Variants in CA5A observed in about 807,000 individuals in gnomAD.
CA5A encodes carbonic anhydrase 5A.
CA5A carries 28 observed loss-of-function variants against 37.1 expected under a neutral mutation model. The observed-to-expected ratio is 0.75, with a 90% CI of 0.56 to 1.03. CA5A has a LOEUF of 1.03. CA5A is among the 50% of genes least tolerant of loss of function. The pLI, the probability that CA5A is intolerant of heterozygous loss-of-function variation, is 0.00. For missense variants in CA5A, 444 were observed against 399.9 expected, an observed-to-expected ratio of 1.11 and a Z score of -0.94; for synonymous variants, 171 against 158.4, an observed-to-expected ratio of 1.08 and a Z score of -0.60.
At chr16:87,899,125 C>G (rs1212289984) in intron 5 of CA5A, among the ~76,000 whole-genome samples, 1 of 151,926 alleles carries the variant, frequency 6.6e-6, no homozygotes. Context: ...GGGCTCTGAA[C>G]CCAGGAGTCC....
At chr16:87,935,953 G>A (rs1345426755) in intron 1 of CA5A, among the ~76,000 whole-genome samples, 3 of 151,814 alleles carry the variant, frequency 2.0e-5, no homozygotes, top group African/African-American at 7.3e-5. Context: ...CAGGCGGATC[G>A]CGAGGTTAGG....
At chr16:87,891,728 T>G (rs1273685667) in intron 6 of CA5A, 71 bp downstream of exon 6, 3 of 1,277,544 alleles carry the variant, frequency 2.3e-6, no homozygotes, top group Non-Finnish European at 3.1e-6. Context: ...ATGCAGCATC[T>G]TAGTGACGCT....
intron 1 of CA5A, among the ~76,000 whole-genome samples, chr16:87,929,413 C>T (rs1199703030): frequency 2.1e-5 from 3 of 143,306 alleles, no homozygotes; most frequent in African/African-American, 5.3e-5. Context: ...GATGGCACCA[C>T]TGCATTCCAG....
At chr16:87,923,822 A>G (rs576882951) in intron 2 of CA5A, 3 of 985,242 alleles carry the variant, frequency 3.0e-6, no homozygotes, top group East Asian at 1.1e-4. Flanking sequence ...TATGAATCCC[A>G]TAGCAACTCA....
intron 6 of CA5A, among the ~76,000 whole-genome samples, chr16:87,891,105 C>A (rs2055706382): frequency 6.7e-6 from 1 of 150,136 alleles, no homozygotes; most frequent in Admixed American, 6.7e-5. Context: ...AAGAGTATAA[C>A]TTTAAAAAGT....
chr16:87,920,199 GCAGCCAAATTACATTTGAGCA>G lies in CA5A; in HGVS notation c.340+6528_340+6548del, dbSNP rs1278739794. Among the ~76,000 whole-genome samples, 6 of 152,332 alleles carry G rather than the reference GCAGCCAAATTACATTTGAGCA, an allele frequency of 3.9e-5. No homozygotes were observed. In the East Asian group the frequency reaches 1.2e-3, roughly 29 times the overall value. ...CCCGAGGTCTGCACAGACCTCACCT[GCAGCCAAATTACATTTGAGCA>G]CGCAGTAAAAGGATGGAAACTGATG... On this transcript the variant is annotated intron_variant, in intron 2 of 6. Transcript: ENST00000649794.
In CA5A at chr16:87,902,599, A is replaced by G. The variant is rs1023110695; in HGVS notation, c.460-79T>C. 344 of 789,954 alleles carry G rather than the reference A, an allele frequency of 4.4e-4. 1 individual carries two copies. The highest frequency in any genetic ancestry group is 7.3e-4 in the Non-Finnish European group (326 of 447,620). The allele number at this position is 789,954 out of a possible 1,614,324, so 48.9% of individuals were successfully genotyped here. On this transcript the variant is annotated intron_variant, in intron 3 of 6. Transcript: ENST00000649794. ...ACTTCCCCTTCTGAATGGCTGACCT[A>G]TGTGTCCACTTAATCATAATGAAAT...
chr16:87,924,662 G>A (rs1246848932), intron 2 of CA5A, among the ~76,000 whole-genome samples: 1 of 152,264 alleles, frequency 6.6e-6, no homozygotes, highest in Non-Finnish European at 1.5e-5. Flanking sequence ...GGACGCAGCT[G>A]GGCAGACCTC....
intron 1 of CA5A, among the ~76,000 whole-genome samples, chr16:87,928,326 GCTAA>G (rs2056342862): frequency 6.6e-6 from 1 of 152,020 alleles, no homozygotes; most frequent in South Asian, 2.1e-4. Flanking sequence ...ACCATGCCTG[GCTAA>G]CTTTTTCATT....
At chr16:87,884,304 G>A (rs940686674), downstream of CA5A, 9 of 143,862 alleles carry the variant, frequency 6.3e-5, no homozygotes, top group Admixed American at 2.8e-4. Flanking sequence ...ACAGTGGCTC[G>A]CGTCTGTAAT....
intron 5 of CA5A, chr16:87,892,931 G>C: frequency 1.4e-6 from 1 of 699,874 alleles, no homozygotes; most frequent in South Asian, 1.9e-5. Flanking sequence ...GCTGGGGTGA[G>C]CCACTGTGCC....
chr16:87,886,542 T>C (rs2055649539), downstream of CA5A: 1 of 152,136 alleles, frequency 6.6e-6, no homozygotes, highest in South Asian at 2.1e-4. Context: ...GAAAAAAGAT[T>C]CATGGTTCCC....
chr16:87,891,855 T>C lies in CA5A; in HGVS notation c.718A>G (p.Thr240Ala). Residue 240 changes from threonine to alanine, a missense_variant, in exon 6 of 7, where the codon ACC (threonine) becomes GCC (alanine). Thr to Ala is a moderately conservative substitution (Grantham distance 58, BLOSUM62 0). Transcript: ENST00000649794. ...TGGATGATCCAGGTGACCGACTCGG[T>C]CAGCGGCGGGGTGGTGAGCGAGCCC... is the stretch of plus-strand genomic sequence containing the variant. ...YAGSLTTPPL[T>A]ESVTWIIQKE... is the part of the protein sequence containing the mutation. 1 of 1,580,708 alleles carries C rather than the reference T, an allele frequency of 6.3e-7. No individual in the cohort carries two copies. Among genetic ancestry groups the C allele is most frequent in the African/African-American group, 1.4e-5 (1 of 72,958 alleles).
chr16:87,902,112 G>C, intron 4 of CA5A, 138 bp from the exon 5 acceptor site: 1 of 768,488 alleles, frequency 1.3e-6, no homozygotes, highest in East Asian at 2.6e-5. Flanking sequence ...CTAGCACTGT[G>C]GGAGGCCGAG....
rs111903140 is a variant in CA5A, at chr16:87,891,514, T to C, written c.774+285A>G. Among the ~76,000 whole-genome samples, 1,235 of 151,106 alleles carry C rather than the reference T, an allele frequency of 8.2e-3. 18 individuals carry two copies. Among genetic ancestry groups the C allele is most frequent in the African/African-American group, 0.028 (1,158 of 41,210 alleles). On this transcript the variant is annotated intron_variant, in intron 6 of 6. Coordinates refer to ENST00000649794, the MANE Select transcript of CA5A (RefSeq NM_001739.2). ...AGAAAAAGGAAGAAAACAAAAACCA[T>C]GCAGACCCATGACCCTGGGACAACT...
intron 5 of CA5A, 115 bp downstream of exon 5, chr16:87,901,797 G>A: frequency 1.4e-6 from 1 of 736,542 alleles, no homozygotes; most frequent in Non-Finnish European, 2.4e-6. Context: ...ATGTTGGTCA[G>A]GCTGGTCTCG....
chr16:87,909,350 A>T (rs1349345136), intron 2 of CA5A, among the ~76,000 whole-genome samples: 1 of 152,118 alleles, frequency 6.6e-6, no homozygotes, highest in African/African-American at 2.4e-5. Context: ...TGGGCTGGGG[A>T]CCAAGCACGC....
At chr16:87,922,295 C>T (rs529690535) in intron 2 of CA5A, among the ~76,000 whole-genome samples, 5 of 152,186 alleles carry the variant, frequency 3.3e-5, no homozygotes, top group African/African-American at 4.8e-5. Flanking sequence ...GGGAAAGTTG[C>T]GAGGCTGTTC....
chr16:87,906,231 C>CCTTG (rs575864290), intron 2 of CA5A, among the ~76,000 whole-genome samples: 1 of 147,998 alleles, frequency 6.8e-6, no homozygotes, highest in Non-Finnish European at 1.5e-5. Flanking sequence ...TGTGGAGGAG[C>CCTTG]CTCATGTCAC....
Sources: allele counts gnomAD v4.1 joint callset (sites outside exome capture counted in the v4.1 genomes callset), GRCh38; gene constraint gnomAD v4.1.1; transcripts MANE v1.5; gene names NCBI Gene and HGNC (gene_info 2026-07-23, HGNC 2026-07-21).